The following FAM83H variants were observed in gnomAD, a reference collection of about 807,000 sequenced individuals.
FAM83H encodes protein FAM83H.
In FAM83H, 24 loss-of-function variants were observed where a neutral mutation model predicts 30.2. That is an observed-to-expected ratio of 0.79 (90% confidence interval 0.57 to 1.12). FAM83H has a LOEUF of 1.12. Among genes scored for constraint, FAM83H ranks in the 50% most tolerant of loss-of-function variants. FAM83H has a pLI of 0.00. For missense variants in FAM83H, 2,038 were observed against 1,773.9 expected, an observed-to-expected ratio of 1.15 and a Z score of -2.67; for synonymous variants, 1,013 against 821.7, an observed-to-expected ratio of 1.23 and a Z score of -3.98.
chr8:143,729,870 T>G (rs1219855260), intron 2 of FAM83H, among the ~76,000 whole-genome samples: 1 of 152,174 alleles, frequency 6.6e-6, no homozygotes, highest in Non-Finnish European at 1.5e-5. Flanking sequence ...ATCTGAACAA[T>G]GAACCCAGGC....
At chr8:143,732,810 G>A in intron 1 of FAM83H, 8 of 903,306 alleles carry the variant, frequency 8.9e-6, no homozygotes, top group Non-Finnish European at 1.1e-5. Flanking sequence ...CTGCCCAAGG[G>A]AGGGAGGGCG....
chr8:143,727,855 G>C lies in FAM83H; in HGVS notation c.1606C>G (p.Pro536Ala). 7.5e-7 allele frequency: 1 copy of C among 1,335,762 alleles called. No homozygotes were observed. Among genetic ancestry groups the C allele is most frequent in the South Asian group, 1.9e-5 (1 of 52,880 alleles). 82.7% of individuals were successfully genotyped at this position (1,335,762 alleles called of 1,614,324 possible). A position where few individuals can be genotyped will look rare whatever the true frequency, so the allele number is the denominator to read the frequency against. ...AFAPGPRGLE[P>A]SGAPRPNLTQ... ...AGGTTGGGGCGCGGGGCTCCGCTGG[G>C]CTCCAGGCCGCGGGGTCCGGGCGCG... is the stretch of plus-strand genomic sequence containing the variant. Residue 536 changes from proline to alanine, a missense_variant, in exon 5 of 5, where the codon CCC becomes GCC. Coordinates refer to ENST00000388913, the MANE Select transcript of FAM83H (RefSeq NM_198488.5).
rs549546455 is a variant in FAM83H, at chr8:143,730,377, C to T, written c.206G>A (p.Arg69Gln). 3.7e-6 allele frequency: 6 copies of T among 1,613,542 alleles called. No individual in the cohort carries two copies. The highest frequency in any genetic ancestry group is 2.2e-5 in the East Asian group (1 of 44,880). Residue 69 changes from arginine (R) to glutamine (Q), a missense_variant, in exon 2 of 5, where the codon CGG becomes CAG. Coordinates refer to ENST00000388913, the MANE Select transcript of FAM83H (RefSeq NM_198488.5). ...CTCTCGGGTAACATACTGCGGAGGC[C>T]GAAGGTGTCGGCTCACATGTTCCAG... ...EELEHVSRHL[R>Q]PPQYVTREPP... is the part of the protein sequence containing the mutation.
chr8:143,733,356 C>T lies in FAM83H; in HGVS notation c.-16+335G>A, dbSNP rs1186635637. ...AGGGAAGGGTCCAGGCCGTGCCCAG[C>T]ACCCAGACTCCAGCTAGGCCGCGAG... On this transcript the variant is annotated intron_variant, in intron 1 of 4. Transcript: ENST00000388913. This position sits in a 1 kb window ranked among gnomAD's most constrained non-coding sequence, Gnocchi z 5.6. Among the ~76,000 whole-genome samples, 1 of 152,234 alleles carries T rather than the reference C, an allele frequency of 6.6e-6. No homozygotes were observed. The highest frequency in any genetic ancestry group is 2.4e-5 in the African/African-American group (1 of 41,474).
rs1399430782 is a variant in FAM83H, at chr8:143,725,159, G to A, written c.*762C>T. 17 of 72,766 alleles carry A rather than the reference G, an allele frequency of 2.3e-4. No individual in the cohort carries two copies. The highest frequency in any genetic ancestry group is 8.0e-4 in the African/African-American group (16 of 19,894). The allele number at this position is 72,766 out of a possible 1,614,324, so 4.5% of individuals were successfully genotyped here. On this transcript the variant is annotated 3_prime_UTR_variant, in exon 5 of 5. Coordinates refer to ENST00000388913, the MANE Select transcript of FAM83H (RefSeq NM_198488.5). ...CCCAGGCGGGGGAGGGGGGAGACGG[G>A]GGGGGGGGGGGGGGAGGGAAGGAGG...
At chr8:143,731,762 C>T (rs1818529073) in intron 1 of FAM83H, 2 of 985,376 alleles carry the variant, frequency 2.0e-6, no homozygotes, top group South Asian at 9.4e-5. Context: ...AGGGACCTTT[C>T]CAGGTCCTGG....
chr8:143,728,495 G>T lies in FAM83H; in HGVS notation c.966C>A (p.Phe322Leu). 1 of 1,555,928 alleles carries T rather than the reference G, an allele frequency of 6.4e-7. No homozygotes were observed. Among genetic ancestry groups the T allele is most frequent in the Non-Finnish European group, 8.7e-7 (1 of 1,149,762 alleles). The change falls in exon 5 of 5, where the codon TTC (phenylalanine) becomes TTA (leucine). Residue 322 changes from phenylalanine to leucine, a missense_variant. Phe to Leu is a conservative substitution (Grantham distance 22, BLOSUM62 0). Transcript: ENST00000388913. ...GGAACAGGAGGTGCGCTCGTTTAGG[G>T]AAGGAGAAGGGGGTTGGCGCCCCGA... Reference protein sequence around the residue: ...PGVGAPTPFSFPKRAHLLFPP... With the variant: ...PGVGAPTPFSLPKRAHLLFPP...
At position 143,726,657 on chromosome 8, in the gene FAM83H, C is replaced by T; in HGVS notation, c.2804G>A (p.Gly935Asp). The T allele has an allele frequency of 6.3e-7, 1 of 1,596,620 alleles. No homozygotes were observed. The highest frequency in any genetic ancestry group is 1.1e-5 in the South Asian group (1 of 90,262). Residue 935 changes from glycine to aspartate, a missense_variant, in exon 5 of 5, where the codon GGC (glycine) becomes GAC (aspartate). Coordinates refer to ENST00000388913, the MANE Select transcript of FAM83H (RefSeq NM_198488.5). The part of the protein sequence containing the change: ...SPVPPVPERR[G>D]SLTLTISGES... ...CCCGGAGATGGTAAGGGTGAGGCTG[C>T]CCCTGCGCTCCGGCACGGGGGGCAC... is the stretch of plus-strand genomic sequence containing the variant.
intron 1 of FAM83H, among the ~76,000 whole-genome samples, chr8:143,732,834 T>C (rs1205098553): frequency 6.6e-6 from 1 of 151,492 alleles, no homozygotes; most frequent in African/African-American, 2.4e-5. Context: ...AACCCACCCA[T>C]GGGCAATGAC....
At chr8:143,728,859 T>A (rs1818410019) in intron 4 of FAM83H, 108 bp downstream of exon 4, 1 of 1,598,770 alleles carries the variant, frequency 6.3e-7, no homozygotes, top group Admixed American at 1.7e-5. Context: ...TGTGCAGGGG[T>A]CTACAGGACA....
intron 1 of FAM83H, chr8:143,731,188 ATAT>A (rs1257602779): frequency 1.6e-5 from 3 of 193,534 alleles, no homozygotes; most frequent in African/African-American, 7.3e-5. Context: ...CATCATTATA[ATAT>A]TCACTTTTTT....
In FAM83H at chr8:143,727,889, G is replaced by A; in HGVS notation, c.1572C>T (p.Asp524=). The A allele has an allele frequency of 3.5e-6, 5 of 1,427,260 alleles. No homozygotes were observed. The highest frequency in any genetic ancestry group is 4.5e-6 in the Non-Finnish European group (5 of 1,099,708). The allele number at this position is 1,427,260 out of a possible 1,614,324, so 88.4% of individuals were successfully genotyped here. ...SASREVRHGS[D]PAFAPGPRGL... is the part of the protein sequence containing the mutation. Reference sequence around the variant, plus strand: ...CGCGGGGTCCGGGCGCGAAGGCGGGGTCCGAGCCGTGGCGCACCTCGCGGG... The same window carrying A: ...CGCGGGGTCCGGGCGCGAAGGCGGGATCCGAGCCGTGGCGCACCTCGCGGG... Residue 524 remains aspartate (D), a synonymous_variant, in exon 5 of 5, where the codon GAC becomes GAT. Transcript: ENST00000388913.
In FAM83H at chr8:143,725,925, T is replaced by C. The variant is rs1818271174; in HGVS notation, c.3536A>G (p.Lys1179Arg). ...TGGGTTGCCAGGCCAGAAGACTCAC[T>C]TCTTGCTTTTGAACGTGCCCAGGAT... ...PKILGTFKSKK is the reference protein window; with the variant it reads ...PKILGTFKSKR Residue 1179 changes from lysine to arginine, a missense_variant, in exon 5 of 5, where the codon AAG becomes AGG. By Grantham distance (26) the Lys-to-Arg change is conservative. Transcript: ENST00000388913. The C allele has an allele frequency of 1.2e-6, 2 of 1,612,794 alleles. No individual in the cohort carries two copies. Among genetic ancestry groups the C allele is most frequent in the African/African-American group, 1.3e-5 (1 of 75,032 alleles).
rs184082340 is a variant in FAM83H at position 143,730,478 on chromosome 8, C to T, written c.105G>A (p.Leu35=). The change falls in exon 2 of 5, where the codon CTG becomes CTA. Residue 35 remains leucine, a synonymous_variant. Transcript: ENST00000388913. ...KEYYRLAVDA[L]AEGGSEAYSR... is the part of the protein sequence containing the mutation. The stretch of plus-strand genomic sequence containing the variant: ...TGTAGGCCTCCGAGCCACCCTCGGC[C>T]AGTGCATCCACCGCCAGGCGGTAGT... The T allele has an allele frequency of 2.5e-6, 4 of 1,609,190 alleles. No individual in the cohort carries two copies. In the African/African-American group the frequency reaches 4.0e-5, roughly 16 times the overall value.
At chr8:143,732,487 C>G (rs1241294258) in intron 1 of FAM83H, 1 of 985,224 alleles carries the variant, frequency 1.0e-6, no homozygotes, top group African/African-American at 1.7e-5. Flanking sequence ...TTTGAGGGTA[C>G]TTCCCGACAC....
Position 143,726,024 on chromosome 8 carries a change from C to T in FAM83H, c.3437G>A (p.Ser1146Asn). Residue 1146 changes from serine to asparagine, a missense_variant, in exon 5 of 5, where the codon AGC (serine) becomes AAC (asparagine). Ser to Asn is a conservative substitution (Grantham distance 46, BLOSUM62 1). Coordinates refer to ENST00000388913, the MANE Select transcript of FAM83H (RefSeq NM_198488.5). ...FEVFCKKEEA[S>N]SPGAGEGPAE... Reference sequence around the variant, plus strand: ...GGGGCCTTCCCCTGCCCCAGGGCTGCTGGCCTCCTCTTTCTTGCAGAAGAC... The same window carrying T: ...GGGGCCTTCCCCTGCCCCAGGGCTGTTGGCCTCCTCTTTCTTGCAGAAGAC... 1 of 1,612,802 alleles carries T rather than the reference C, an allele frequency of 6.2e-7. No homozygotes were observed. Among genetic ancestry groups the T allele is most frequent in the Non-Finnish European group, 8.5e-7 (1 of 1,179,864 alleles).
At position 143,730,435 on chromosome 8, in the gene FAM83H, C is replaced by T. The variant is rs782145000; in HGVS notation, c.148G>A (p.Glu50Lys). The change falls in exon 2 of 5, where the codon GAG (glutamate) becomes AAG (lysine). Residue 50 changes from glutamate (E) to lysine (K), a missense_variant. Transcript: ENST00000388913. ...SEAYSRFLAT[E>K]GAPDFLCPEE... ...GGGCACAGGAAGTCTGGTGCCCCCT[C>T]GGTAGCGAGGAAGCGGCTGTAGGCC... The T allele has an allele frequency of 3.1e-6, 5 of 1,612,412 alleles. No homozygotes were observed. Among genetic ancestry groups the T allele is most frequent in the East Asian group, 2.2e-5 (1 of 44,892 alleles).
rs1818362256 is a variant in FAM83H, at chr8:143,727,849, C to T, written c.1612G>A (p.Gly538Arg). 1.5e-6 allele frequency: 2 copies of T among 1,329,214 alleles called. No homozygotes were observed. The highest frequency in any genetic ancestry group is 3.2e-5 in the East Asian group (1 of 30,866). The allele number at this position is 1,329,214 out of a possible 1,614,324, so 82.3% of individuals were successfully genotyped here. The change falls in exon 5 of 5, where the codon GGA becomes AGA. Residue 538 changes from glycine to arginine, a missense_variant. Coordinates refer to ENST00000388913, the MANE Select transcript of FAM83H (RefSeq NM_198488.5). ...TGGGTCAGGTTGGGGCGCGGGGCTC[C>T]GCTGGGCTCCAGGCCGCGGGGTCCG... is the stretch of plus-strand genomic sequence containing the variant. Reference protein sequence around the residue: ...APGPRGLEPSGAPRPNLTQRF... With the variant: ...APGPRGLEPSRAPRPNLTQRF...
intron 1 of FAM83H, chr8:143,732,414 C>T: frequency 7.1e-6 from 7 of 985,368 alleles, no homozygotes; most frequent in Non-Finnish European, 8.4e-6. Flanking sequence ...TCACCATTGC[C>T]AGCCTGTCTG....
Sources: gnomAD v4.1 joint callset for allele counts (sites outside exome capture counted in the v4.1 genomes callset) on GRCh38, gnomAD v4.1.1 for gene constraint, Gnocchi (gnomAD v3.1) non-coding constraint, MANE v1.5 for transcripts, NCBI Gene and HGNC (gene_info 2026-07-23, HGNC 2026-07-21) for gene names.